SLC5A4: variants seen among roughly 807,000 people sequenced by gnomAD.
SLC5A4 encodes the protein probable glucose sensor protein SLC5A4.
In SLC5A4, 55 loss-of-function variants were observed where a neutral mutation model predicts 70.3. The ratio of observed to expected loss-of-function variants is 0.78; its 90% CI spans 0.63 to 0.98. SLC5A4 has a LOEUF of 0.98. Ranked by LOEUF, SLC5A4 falls within the 50% of genes least tolerant of loss-of-function variation. The pLI is 0.00. For missense variants in SLC5A4, 735 were observed against 839.2 expected (o/e 0.88, Z 1.53); for synonymous variants, 268 against 305.7 (o/e 0.88, Z 1.29).
chr22:32,307,642 A>G, the SLC5A4 span, among the ~76,000 whole-genome samples: 1 of 152,142 alleles, frequency 6.6e-6, no homozygotes, highest in Non-Finnish European at 1.5e-5. Flanking sequence ...CAACCCCCAA[A>G]GTTGTTTGCA....
intron 2 of SLC5A4, among the ~76,000 whole-genome samples, chr22:32,252,368 G>GT (rs1321652446): frequency 1.3e-5 from 2 of 152,064 alleles, no homozygotes; most frequent in Admixed American, 6.6e-5. Flanking sequence ...AGCCAAGAAT[G>GT]TTTTTTTACA....
the SLC5A4 span, among the ~76,000 whole-genome samples, chr22:32,306,282 G>C: frequency 6.6e-6 from 1 of 151,026 alleles, no homozygotes; most frequent in African/African-American, 2.4e-5. Flanking sequence ...TAGCTAACAC[G>C]GTGAAACCCT....
chr22:32,298,144 G>C, the SLC5A4 span, among the ~76,000 whole-genome samples: 3 of 146,378 alleles, frequency 2.0e-5, no homozygotes, highest in Admixed American at 2.1e-4. Flanking sequence ...ATTTGGGGTG[G>C]AGAGTTCTGT....
the SLC5A4 span, among the ~76,000 whole-genome samples, chr22:32,267,814 T>A: frequency 6.6e-6 from 1 of 152,222 alleles, no homozygotes; most frequent in Non-Finnish European, 1.5e-5. Context: ...TTTTATGACA[T>A]CAACTTCCCA....
At chr22:32,276,689 C>A in the SLC5A4 span, 1 of 152,114 alleles carries the variant, frequency 6.6e-6, no homozygotes, top group East Asian at 1.9e-4. Context: ...ACACAGACAA[C>A]CCTCCAGGTC....
the SLC5A4 span, among the ~76,000 whole-genome samples, chr22:32,328,388 T>A: frequency 6.6e-6 from 1 of 152,260 alleles, no homozygotes; most frequent in South Asian, 2.1e-4. Flanking sequence ...GTGACAGGCA[T>A]GGGATGTCCC....
At chr22:32,312,985 C>T in the SLC5A4 span, among the ~76,000 whole-genome samples, 1 of 151,906 alleles carries the variant, frequency 6.6e-6, no homozygotes, top group East Asian at 1.9e-4. Context: ...AGACTGGAAG[C>T]GAGACAAAAA....
chr22:32,268,651 A>G, the SLC5A4 span: 1 of 152,214 alleles, frequency 6.6e-6, no homozygotes, highest in African/African-American at 2.4e-5. Context: ...AATGTTCTCC[A>G]TTAAATATGG....
the SLC5A4 span, among the ~76,000 whole-genome samples, chr22:32,307,420 G>A: frequency 9.2e-5 from 14 of 152,272 alleles, no homozygotes; most frequent in South Asian, 4.1e-4. Context: ...GAGTGTGTCC[G>A]TTAGGCACAA....
the SLC5A4 span, chr22:32,271,520 G>A: frequency 0.4 from 282,137 of 710,164 alleles, 57,407 homozygotes; most frequent in Non-Finnish European, 0.43. Flanking sequence ...AGAAGAAGCC[G>A]AAGCCATCCA....
the SLC5A4 span, among the ~76,000 whole-genome samples, chr22:32,340,518 C>T: frequency 6.6e-6 from 1 of 152,192 alleles, no homozygotes; most frequent in African/African-American, 2.4e-5. Context: ...CAGGCGGCGA[C>T]GCACGTGACA....
chr22:32,240,264 C>G (rs1436787230), intron 5 of SLC5A4, among the ~76,000 whole-genome samples: 1 of 151,996 alleles, frequency 6.6e-6, no homozygotes. Context: ...GTCTCTGACC[C>G]TCCTAGGGCC....
At chr22:32,338,436 G>A in the SLC5A4 span, among the ~76,000 whole-genome samples, 1 of 152,130 alleles carries the variant, frequency 6.6e-6, no homozygotes, top group East Asian at 1.9e-4. Context: ...ATTGCTTGAG[G>A]TCAGGAGTTC....
chr22:32,291,259 T>C, the SLC5A4 span, among the ~76,000 whole-genome samples: 1 of 145,882 alleles, frequency 6.9e-6, no homozygotes, highest in Non-Finnish European at 1.5e-5. Flanking sequence ...GCTGCCACCC[T>C]CCGCCTCCCG....
At chr22:32,240,039 AAAAAG>A (rs1379155259) in intron 5 of SLC5A4, among the ~76,000 whole-genome samples, 5 of 151,524 alleles carry the variant, frequency 3.3e-5, no homozygotes, top group Non-Finnish European at 5.9e-5. Context: ...AAAAAAAAAA[AAAAAG>A]AAAGTATGTA....
the SLC5A4 span, among the ~76,000 whole-genome samples, chr22:32,324,068 T>A: frequency 1.3e-5 from 2 of 152,142 alleles, no homozygotes; most frequent in Non-Finnish European, 2.9e-5. Flanking sequence ...CGTTTGGGAA[T>A]GACAAGCACC....
intron 8 of SLC5A4, 57 bp from the exon 9 acceptor site, chr22:32,233,091 G>A: frequency 6.4e-7 from 1 of 1,571,358 alleles, no homozygotes; most frequent in Non-Finnish European, 8.7e-7. Flanking sequence ...TTCAAAGGCA[G>A]TCAGCGTCCC....
At chr22:32,349,391 C>T in the SLC5A4 span, among the ~76,000 whole-genome samples, 1 of 152,218 alleles carries the variant, frequency 6.6e-6, no homozygotes, top group Non-Finnish European at 1.5e-5. Context: ...ATAAAGTCAA[C>T]TCTTTCTAGC....
chr22:32,285,305 T>A, the SLC5A4 span, among the ~76,000 whole-genome samples: 179 of 152,352 alleles, frequency 1.2e-3, no homozygotes, highest in African/African-American at 4.2e-3. Context: ...TGTGCATTTT[T>A]AATTTTAATA....
Sources: gnomAD v4.1 joint callset for allele counts (sites outside exome capture counted in the v4.1 genomes callset) on GRCh38, gnomAD v4.1.1 for gene constraint, MANE v1.5 for transcripts, NCBI Gene and HGNC (gene_info 2026-07-23, HGNC 2026-07-21) for gene names.